The following ZMIZ1 variants were observed in gnomAD, a reference collection of about 807,000 sequenced individuals.
The protein encoded by ZMIZ1 is zinc finger MIZ domain-containing protein 1.
A neutral mutation model predicts 113.9 loss-of-function variants in ZMIZ1; 17 were observed. The ratio of observed to expected loss-of-function variants is 0.15; its 90% CI spans 0.10 to 0.22. ZMIZ1 has a LOEUF of 0.22. Ranked by LOEUF, ZMIZ1 falls within the 10% of genes least tolerant of loss-of-function variation. ZMIZ1 has a pLI of 1.00. For synonymous variants in ZMIZ1, 607 were observed against 603.1 expected (o/e 1.01, Z -0.09); for missense variants, 1,059 against 1,477.8 (o/e 0.72, Z 4.65).
intron 7 of ZMIZ1, among the ~76,000 whole-genome samples, chr10:79,244,164 C>T (rs1850052739): frequency 6.6e-6 from 1 of 152,264 alleles, no homozygotes; most frequent in Non-Finnish European, 1.5e-5. Context: ...GCCCTGATGC[C>T]TCCAGCGCGT....
rs1256283142 is a variant in ZMIZ1 at position 79,314,354 on chromosome 10, G to A, written c.*1605G>A. The A allele has an allele frequency of 2.3e-6, 1 of 426,916 alleles. No individual in the cohort carries two copies. The highest frequency in any genetic ancestry group is 4.7e-6 in the Non-Finnish European group (1 of 210,670). The allele number at this position is 426,916 out of a possible 1,614,324, so 26.4% of individuals were successfully genotyped here. On this transcript the variant is annotated 3_prime_UTR_variant, in exon 25 of 25. Coordinates refer to ENST00000334512, the MANE Select transcript of ZMIZ1 (RefSeq NM_020338.4). ...CCTTTCCTGCTCTCCCGTCCGCTGT[G>A]GGTGGTCCCCAGCTCTCCTCTGTGG...
intron 24 of ZMIZ1, among the ~76,000 whole-genome samples, chr10:79,311,583 G>T (rs1384747280): frequency 6.6e-6 from 1 of 152,102 alleles, no homozygotes; most frequent in Non-Finnish European, 1.5e-5. Flanking sequence ...CTGCCTCGCT[G>T]GTGTGTGTCT....
At chr10:79,276,494 C>T (rs145679017) in intron 7 of ZMIZ1, among the ~76,000 whole-genome samples, 3 of 152,288 alleles carry the variant, frequency 2.0e-5, no homozygotes, top group African/African-American at 7.2e-5. Flanking sequence ...CTGGCTGCCT[C>T]CTGCTTGGCC....
At chr10:79,242,441 G>A (rs940595404) in intron 7 of ZMIZ1, among the ~76,000 whole-genome samples, 2 of 152,164 alleles carry the variant, frequency 1.3e-5, no homozygotes, top group Non-Finnish European at 2.9e-5. Context: ...AGGGCACCCA[G>A]GGTCAGGGAA....
intron 1 of ZMIZ1, among the ~76,000 whole-genome samples, chr10:79,103,188 C>T (rs1038817187): frequency 2.0e-5 from 3 of 152,010 alleles, no homozygotes; most frequent in Non-Finnish European, 4.4e-5. Context: ...GGTGCAAAGG[C>T]CCAGGGGTAG....
intron 7 of ZMIZ1, 33 bp downstream of exon 7, chr10:79,216,307 TGGGAGGTG>T: frequency 6.4e-7 from 1 of 1,553,520 alleles, no homozygotes; most frequent in Non-Finnish European, 8.7e-7. Context: ...GCGATGTCAC[TGGGAGGTG>T]GGGAGGGGAA....
intron 2 of ZMIZ1, among the ~76,000 whole-genome samples, chr10:79,132,136 C>T (rs1044491048): frequency 1.3e-5 from 2 of 152,192 alleles, no homozygotes; most frequent in African/African-American, 4.8e-5. Flanking sequence ...AGATCACTGC[C>T]ACGTGCACGA....
intron 3 of ZMIZ1, among the ~76,000 whole-genome samples, chr10:79,150,202 G>A (rs750155900): frequency 3.3e-5 from 5 of 152,294 alleles, no homozygotes; most frequent in South Asian, 2.1e-4. Flanking sequence ...AGGCCTCGGC[G>A]AGTGGCCACC....
In ZMIZ1 at chr10:79,261,064, C is replaced by G. The variant is rs958081472; in HGVS notation, c.281-16117C>G. 2.6e-5 allele frequency among the ~76,000 whole-genome samples: 4 copies of G among 152,336 alleles called. No individual in the cohort carries two copies. In the South Asian group the frequency reaches 8.3e-4, roughly 32 times the overall value. Reference sequence around the variant, plus strand: ...GACTGTATCCCTGTCTTCAGATTCTCCAGGGGTTCGAGACCCCAGAAAGGC... The same window carrying G: ...GACTGTATCCCTGTCTTCAGATTCTGCAGGGGTTCGAGACCCCAGAAAGGC... On this transcript the variant is annotated intron_variant, in intron 7 of 24. Coordinates refer to ENST00000334512, the MANE Select transcript of ZMIZ1 (RefSeq NM_020338.4).
rs148331199 is a variant in ZMIZ1, at chr10:79,118,688, C to T, written c.-336-227C>T. The stretch of plus-strand genomic sequence containing the variant: ...TGCTGTGGTCTGGCTTTCAGGGCTG[C>T]GGGGCTGCTCGGCCGGTGCTGGGGC... On this transcript the variant is annotated intron_variant, in intron 1 of 24. Coordinates refer to ENST00000334512, the MANE Select transcript of ZMIZ1 (RefSeq NM_020338.4). This position sits in a 1 kb window ranked among gnomAD's most constrained non-coding sequence, Gnocchi z 4.1. 8.9e-3 allele frequency among the ~76,000 whole-genome samples: 1,349 copies of T among 152,262 alleles called. 9 individuals carry two copies. The highest frequency in any genetic ancestry group is 0.013 in the Non-Finnish European group (902 of 68,018).
At chr10:79,175,291 C>T (rs1846779902) in intron 4 of ZMIZ1, among the ~76,000 whole-genome samples, 1 of 152,254 alleles carries the variant, frequency 6.6e-6, no homozygotes, top group African/African-American at 2.4e-5. Context: ...ACTGCCCTCA[C>T]GCTTCTTAGC....
chr10:79,134,081 A>T (rs958392675), intron 2 of ZMIZ1, among the ~76,000 whole-genome samples: 2 of 152,136 alleles, frequency 1.3e-5, no homozygotes, highest in African/African-American at 2.4e-5. Context: ...TGTACCCCGG[A>T]CACCACTTGA....
intron 6 of ZMIZ1, among the ~76,000 whole-genome samples, chr10:79,210,710 C>T (rs1245731840): frequency 3.9e-5 from 6 of 152,240 alleles, no homozygotes; most frequent in African/African-American, 1.4e-4. Context: ...GCAGCTAACA[C>T]AGGGCCCACA....
At chr10:79,088,062 G>A (rs1400573707) in intron 1 of ZMIZ1, among the ~76,000 whole-genome samples, 1 of 152,216 alleles carries the variant, frequency 6.6e-6, no homozygotes, top group East Asian at 1.9e-4. Context: ...CCCAGAGCTG[G>A]TCGGCTTTGT....
At chr10:79,143,719 C>T (rs1442176030) in intron 3 of ZMIZ1, among the ~76,000 whole-genome samples, 2 of 150,666 alleles carry the variant, frequency 1.3e-5, no homozygotes, top group Non-Finnish European at 2.9e-5. Context: ...TGGTCAGGAA[C>T]GGCTGCACAC....
intron 2 of ZMIZ1, among the ~76,000 whole-genome samples, chr10:79,133,942 G>C (rs1844882108): frequency 1.3e-5 from 2 of 152,218 alleles, no homozygotes; most frequent in Admixed American, 1.3e-4. Flanking sequence ...TAATTAAAAA[G>C]AGAGAAACTC....
rs537130026 is a variant in ZMIZ1 at position 79,159,252 on chromosome 10, C to T, written c.-130-2801C>T. Among the ~76,000 whole-genome samples, 9 of 152,328 alleles carry T rather than the reference C, an allele frequency of 5.9e-5. No homozygotes were observed. In the East Asian group the frequency reaches 1.2e-3, roughly 20 times the overall value. On this transcript the variant is annotated intron_variant, in intron 3 of 24. Coordinates refer to ENST00000334512, the MANE Select transcript of ZMIZ1 (RefSeq NM_020338.4). ...GCTGGGAGCAAACGGGGCTACACCT[C>T]GTCTCCTGCCCTCTCTTCTCCCTGA...
chr10:79,289,099 C>T (rs986825552), intron 8 of ZMIZ1, among the ~76,000 whole-genome samples: 2 of 152,056 alleles, frequency 1.3e-5, no homozygotes, highest in African/African-American at 4.8e-5. Context: ...CTGGAAGCCA[C>T]CAAAGGTCTT....
At chr10:79,127,449 G>C (rs192553898) in intron 2 of ZMIZ1, among the ~76,000 whole-genome samples, 2 of 152,264 alleles carry the variant, frequency 1.3e-5, no homozygotes, top group East Asian at 1.9e-4. Context: ...GTTCCTGCTC[G>C]GGAAGCCCAT....
Sources: allele counts gnomAD v4.1 joint callset (sites outside exome capture counted in the v4.1 genomes callset), GRCh38; gene constraint gnomAD v4.1.1; non-coding constraint Gnocchi (gnomAD v3.1); transcripts MANE v1.5; gene names NCBI Gene and HGNC (gene_info 2026-07-23, HGNC 2026-07-21).